Variants in RPAP3 observed in about 807,000 individuals in gnomAD.
RPAP3 encodes the protein RNA polymerase II-associated protein 3.
RPAP3 carries 58 observed loss-of-function variants against 88.8 expected under a neutral mutation model. The ratio of observed to expected loss-of-function variants is 0.65; its 90% confidence interval spans 0.53 to 0.81. The LOEUF is 0.81. Ranked by LOEUF, RPAP3 falls within the 40% of genes least tolerant of loss-of-function variation. The probability of loss-of-function intolerance (pLI) is 0.00; values close to 1 mark genes in which losing one functional copy is unlikely to be tolerated. For synonymous variants in RPAP3, 255 were observed against 259.9 expected (o/e 0.98, Z 0.18); for missense variants, 751 against 764.3 (o/e 0.98, Z 0.20).
intron 12 of RPAP3, among the ~76,000 whole-genome samples, 175 bp from the exon 13 acceptor site, chr12:47,670,520 A>G (rs1650376407): frequency 6.6e-6 from 1 of 152,236 alleles, no homozygotes; most frequent in Admixed American, 6.5e-5. Flanking sequence ...AGCTATACAA[A>G]GCACTTATCC....
At chr12:47,705,714 G>A (rs113244697) in intron 1 of RPAP3, among the ~76,000 whole-genome samples, 6 of 152,284 alleles carry the variant, frequency 3.9e-5, no homozygotes, top group South Asian at 4.1e-4. Flanking sequence ...CAGGGTGGAG[G>A]GTCCGCCTGC....
At chr12:47,682,133 C>G (rs1939233692) in intron 9 of RPAP3, among the ~76,000 whole-genome samples, 1 of 152,082 alleles carries the variant, frequency 6.6e-6, no homozygotes, top group African/African-American at 2.4e-5. Flanking sequence ...CTCCAAGTCT[C>G]AATATGCACA....
At chr12:47,695,206 A>G (rs985550217) in intron 5 of RPAP3, among the ~76,000 whole-genome samples, 1 of 152,200 alleles carries the variant, frequency 6.6e-6, no homozygotes, top group African/African-American at 2.4e-5. Flanking sequence ...ACATAATGGT[A>G]TATTTCTAAA....
intron 5 of RPAP3, among the ~76,000 whole-genome samples, chr12:47,693,524 C>T (rs1291511475): frequency 6.6e-6 from 1 of 152,184 alleles, no homozygotes; most frequent in Non-Finnish European, 1.5e-5. Context: ...TTGCCACAAA[C>T]TTTCGTTTTG....
chr12:47,669,285 C>T (rs1938947126), intron 13 of RPAP3, among the ~76,000 whole-genome samples, 183 bp from the exon 14 acceptor site: 1 of 152,094 alleles, frequency 6.6e-6, no homozygotes, highest in South Asian at 2.1e-4. Flanking sequence ...ACAGATTATG[C>T]TCTTGCAAAT....
At chr12:47,697,403 T>G (rs1382543672) in intron 4 of RPAP3, among the ~76,000 whole-genome samples, 194 bp downstream of exon 4, 1 of 152,202 alleles carries the variant, frequency 6.6e-6, no homozygotes, top group Non-Finnish European at 1.5e-5. Context: ...TATCAGAGAT[T>G]TGAACCCAGG....
At chr12:47,693,588 C>T (rs1939468893) in intron 5 of RPAP3, among the ~76,000 whole-genome samples, 2 of 152,148 alleles carry the variant, frequency 1.3e-5, no homozygotes, top group Non-Finnish European at 2.9e-5. Flanking sequence ...ACAAGGTATG[C>T]CTATAATTCC....
At chr12:47,673,397 C>T (rs904520492) in intron 12 of RPAP3, among the ~76,000 whole-genome samples, 11 of 144,202 alleles carry the variant, frequency 7.6e-5, no homozygotes, top group Non-Finnish European at 1.6e-4. Flanking sequence ...GAGCTGAGAT[C>T]GCGCCACTGC....
At chr12:47,686,978 T>A in intron 8 of RPAP3, 71 bp from the exon 9 acceptor site, 1 of 927,252 alleles carries the variant, frequency 1.1e-6, no homozygotes, top group East Asian at 2.8e-5. Flanking sequence ...TCAAATCTTA[T>A]GAAACACTGC....
intron 5 of RPAP3, among the ~76,000 whole-genome samples, chr12:47,694,074 G>A (rs1180219156): frequency 6.6e-6 from 1 of 152,222 alleles, no homozygotes; most frequent in East Asian, 1.9e-4. Flanking sequence ...AATTTGGGAA[G>A]ATGATTCTAA....
intron 12 of RPAP3, among the ~76,000 whole-genome samples, chr12:47,670,787 G>C (rs1938982538): frequency 6.6e-6 from 1 of 152,180 alleles, no homozygotes; most frequent in Non-Finnish European, 1.5e-5. Flanking sequence ...AAGGCAGTTT[G>C]AAGACAGCTT....
intron 5 of RPAP3, among the ~76,000 whole-genome samples, chr12:47,695,251 C>T (rs1939500789): frequency 1.3e-5 from 2 of 151,506 alleles, no homozygotes; most frequent in African/African-American, 4.8e-5. Context: ...ACAATGAGAG[C>T]TCTAGAGCTA....
chr12:47,664,132 G>A lies in RPAP3; in HGVS notation c.1913-542C>T, dbSNP rs147108636. Among the ~76,000 whole-genome samples, 907 of 152,324 alleles carry A rather than the reference G, an allele frequency of 6.0e-3. 13 individuals are homozygous for A. The highest frequency in any genetic ancestry group is 0.021 in the African/African-American group (873 of 41,566). On this transcript the variant is annotated intron_variant, in intron 16 of 16. Coordinates refer to ENST00000005386, the MANE Select transcript of RPAP3 (RefSeq NM_024604.3). ...GGGCCAGGCGTGGTGGTTCACGCCT[G>A]TAATCCCAGCACTTTGGGAGGCCGA... is the stretch of plus-strand genomic sequence containing the variant.
intron 1 of RPAP3, among the ~76,000 whole-genome samples, chr12:47,703,143 C>T (rs1013135107): frequency 7.9e-5 from 12 of 152,194 alleles, no homozygotes; most frequent in African/African-American, 2.7e-4. Context: ...AGACAGGCTG[C>T]TCATCTCTGG....
At position 47,661,644 on chromosome 12, in the gene RPAP3, T is replaced by C. The variant is rs972484980; in HGVS notation, c.*1861A>G. 10 of 152,276 alleles carry C rather than the reference T, an allele frequency of 6.6e-5. No homozygotes were observed. In the East Asian group the frequency reaches 1.9e-3, roughly 29 times the overall value. 9.4% of individuals were successfully genotyped at this position (152,276 alleles called of 1,614,324 possible). On this transcript the variant is annotated 3_prime_UTR_variant, in exon 17 of 17. Coordinates refer to ENST00000005386, the MANE Select transcript of RPAP3 (RefSeq NM_024604.3). ...TTTAAAATTCAAATTCTATAGTAAA[T>C]CTTGTGATCTGTACTTCTTCAGTTA...
At chr12:47,705,303 C>T (rs1184905057) in intron 1 of RPAP3, among the ~76,000 whole-genome samples, 1 of 152,198 alleles carries the variant, frequency 6.6e-6, no homozygotes, top group East Asian at 1.9e-4. Context: ...TCTTCTGACT[C>T]GTAGCCTCAA....
At chr12:47,669,435 C>A (rs1938950556) in intron 13 of RPAP3, among the ~76,000 whole-genome samples, 1 of 151,998 alleles carries the variant, frequency 6.6e-6, no homozygotes, top group African/African-American at 2.4e-5. Flanking sequence ...TCTAAATGAT[C>A]ATTTTCAAGA....
intron 5 of RPAP3, among the ~76,000 whole-genome samples, chr12:47,693,939 A>C (rs942709723): frequency 2.2e-4 from 33 of 152,246 alleles, no homozygotes; most frequent in Non-Finnish European, 3.7e-4. Flanking sequence ...CATTAATGAC[A>C]ATCTAAGTGG....
chr12:47,688,093 G>T, intron 7 of RPAP3, 92 bp from the exon 8 acceptor site: 1 of 1,071,572 alleles, frequency 9.3e-7, no homozygotes, highest in Non-Finnish European at 1.2e-6. Context: ...AAATATATTA[G>T]AATTTCTGCC....
Sources: allele counts gnomAD v4.1 joint callset (sites outside exome capture counted in the v4.1 genomes callset), GRCh38; gene constraint gnomAD v4.1.1; transcripts MANE v1.5; gene names NCBI Gene and HGNC (gene_info 2026-07-23, HGNC 2026-07-21).